UBE3D: variants seen among roughly 807,000 people sequenced by gnomAD.
The protein encoded by UBE3D is E3 ubiquitin-protein ligase E3D.
A neutral mutation model predicts 49.6 loss-of-function variants in UBE3D; 48 were observed. The ratio of observed to expected loss-of-function variants is 0.97; its 90% CI spans 0.77 to 1.23. UBE3D has a LOEUF of 1.23. Ranked by LOEUF, UBE3D falls within the 50% of genes most tolerant of loss-of-function variation. The pLI is 0.00. For synonymous variants in UBE3D, 189 were observed against 174.2 expected (o/e 1.08, Z -0.67); for missense variants, 452 against 468.4 (o/e 0.96, Z 0.32).
At chr6:82,968,202 A>C (rs758707083) in intron 8 of UBE3D, among the ~76,000 whole-genome samples, 14 of 152,114 alleles carry the variant, frequency 9.2e-5, no homozygotes, top group Non-Finnish European at 2.1e-4. Flanking sequence ...AATGTAATCA[A>C]GTTTTTGTAT....
chr6:82,881,343 G>A, the UBE3D span, among the ~76,000 whole-genome samples: 1 of 152,194 alleles, frequency 6.6e-6, no homozygotes, highest in East Asian at 1.9e-4. Context: ...GTAGGAATAT[G>A]AGGGTGGGAA....
At chr6:82,895,136 C>T (rs1771220780) in intron 9 of UBE3D, among the ~76,000 whole-genome samples, 1 of 151,956 alleles carries the variant, frequency 6.6e-6, no homozygotes, top group Non-Finnish European at 1.5e-5. Context: ...TATGGTAAAA[C>T]CCTGTCTCTA....
At chr6:82,937,372 CT>C in intron 9 of UBE3D, among the ~76,000 whole-genome samples, 1 of 152,090 alleles carries the variant, frequency 6.6e-6, no homozygotes, top group Non-Finnish European at 1.5e-5. Flanking sequence ...AAAAAAGCTC[CT>C]GAGAACAACA....
chr6:82,935,651 A>C (rs1044351567), intron 9 of UBE3D, among the ~76,000 whole-genome samples: 2 of 152,202 alleles, frequency 1.3e-5, no homozygotes, highest in Admixed American at 6.5e-5. Flanking sequence ...TGAAGATAAA[A>C]TCTTACAGGC....
At chr6:82,939,315 T>C (rs1374576007) in intron 9 of UBE3D, among the ~76,000 whole-genome samples, 2 of 152,200 alleles carry the variant, frequency 1.3e-5, no homozygotes, top group African/African-American at 4.8e-5. Context: ...TAAGATTCTA[T>C]ATTTTTAGTT....
chr6:83,025,005 T>C (rs545532515), intron 5 of UBE3D, among the ~76,000 whole-genome samples: 10 of 152,346 alleles, frequency 6.6e-5, no homozygotes, highest in African/African-American at 2.4e-4. Context: ...CATAGAACTT[T>C]CTTATACAAA....
intron 5 of UBE3D, among the ~76,000 whole-genome samples, chr6:83,029,021 T>A (rs917950250): frequency 3.9e-5 from 6 of 152,200 alleles, no homozygotes; most frequent in African/African-American, 1.4e-4. Flanking sequence ...GTTTTGTTTT[T>A]CTCTTTTTAC....
At chr6:83,064,596 G>T (rs1350876471) in intron 1 of UBE3D, among the ~76,000 whole-genome samples, 1 of 151,986 alleles carries the variant, frequency 6.6e-6, no homozygotes, top group Non-Finnish European at 1.5e-5. Context: ...AGGGTTTGTT[G>T]TGTGTGTGTG....
chr6:83,063,538 CAATT>C (rs1264711421), intron 1 of UBE3D, among the ~76,000 whole-genome samples: 3 of 150,864 alleles, frequency 2.0e-5, no homozygotes, highest in Non-Finnish European at 4.4e-5. Context: ...AAAGAACTCT[CAATT>C]AAACAAGACA....
At chr6:82,977,113 C>CAAAAAAAAAAAAAAA (rs58424434) in intron 8 of UBE3D, among the ~76,000 whole-genome samples, 5 of 42,584 alleles carry the variant, frequency 1.2e-4, no homozygotes, top group African/African-American at 4.5e-4. Context: ...GACTCCATCT[C>CAAAAAAAAAAAAAAA]AAAAAAAAAA....
chr6:82,969,221 AGGGGTG>A (rs202133359), intron 8 of UBE3D, among the ~76,000 whole-genome samples: 6,254 of 36,928 alleles, frequency 0.17, 141 homozygotes, highest in East Asian at 0.38. Flanking sequence ...TACACAGGGC[AGGGGTG>A]GGGGTGGGGG....
rs58424434 is a variant in UBE3D at position 82,977,113 on chromosome 6, CAAAAAAAAAAAAAAA to C, written c.1011-19678_1011-19664del. On this transcript the variant is annotated intron_variant, in intron 8 of 9. Coordinates refer to ENST00000369747, the MANE Select transcript of UBE3D (RefSeq NM_198920.3). ...TGGGTGATAGAGCAAGACTCCATCTCAAAAAAAAAAAAAAAAAAAAAAAAAAAAGAAGGTAAAGAA... is the reference window on the plus strand; with the variant it reads ...TGGGTGATAGAGCAAGACTCCATCTCAAAAAAAAAAAAAGAAGGTAAAGAA... 9.8e-3 allele frequency among the ~76,000 whole-genome samples: 416 copies of C among 42,638 alleles called. 8 individuals carry two copies. Among genetic ancestry groups the C allele is most frequent in the African/African-American group, 0.044 (395 of 8,956 alleles). 28.0% of individuals were successfully genotyped at this position (42,638 alleles called of 152,430 possible).
chr6:82,905,873 T>G (rs937087712), intron 9 of UBE3D, among the ~76,000 whole-genome samples: 1 of 152,154 alleles, frequency 6.6e-6, no homozygotes, highest in Non-Finnish European at 1.5e-5. Flanking sequence ...CTAGTAAAGA[T>G]ACAACAAATC....
chr6:82,898,786 C>T (rs1354309665), intron 9 of UBE3D, among the ~76,000 whole-genome samples: 2 of 152,216 alleles, frequency 1.3e-5, no homozygotes, highest in South Asian at 2.1e-4. Flanking sequence ...TGTAACAAAA[C>T]TGCACATTCT....
intron 9 of UBE3D, among the ~76,000 whole-genome samples, chr6:82,897,892 G>A (rs1446542214): frequency 1.3e-5 from 2 of 152,084 alleles, no homozygotes; most frequent in South Asian, 4.1e-4. Context: ...GAGTGAACAG[G>A]CATCCTATAG....
intron 8 of UBE3D, among the ~76,000 whole-genome samples, chr6:82,963,190 CTTTTTTTTTT>C (rs5877828): frequency 8.1e-6 from 1 of 123,084 alleles, no homozygotes; most frequent in Admixed American, 8.3e-5. Flanking sequence ...AAGTTTTCAT[CTTTTTTTTTT>C]TTTTTTTTTG....
intron 3 of UBE3D, among the ~76,000 whole-genome samples, chr6:83,048,727 AG>A (rs1783251085): frequency 6.6e-6 from 1 of 152,254 alleles, no homozygotes; most frequent in South Asian, 2.1e-4. Context: ...GAGTTTTTAA[AG>A]CAGAAAAAAT....
In UBE3D at chr6:82,970,007, C is replaced by A. The variant is rs1046193461; in HGVS notation, c.1011-12557G>T. On this transcript the variant is annotated intron_variant, in intron 8 of 9. Coordinates refer to ENST00000369747, the MANE Select transcript of UBE3D (RefSeq NM_198920.3). ...ACAAAACACAAAATACAAAAATAGA[C>A]CCTAATGAAATGTAACGTATTTCTA... Among the ~76,000 whole-genome samples, 24 of 150,084 alleles carry A rather than the reference C, an allele frequency of 1.6e-4. 1 individual carries two copies. Among genetic ancestry groups the A allele is most frequent in the Non-Finnish European group, 3.5e-4 (24 of 67,626 alleles).
intron 5 of UBE3D, among the ~76,000 whole-genome samples, chr6:83,032,867 C>T (rs545587942): frequency 6.6e-6 from 1 of 152,250 alleles, no homozygotes; most frequent in African/African-American, 2.4e-5. Context: ...TGCCTAATGC[C>T]ATATAAGAAG....
Sources: allele counts gnomAD v4.1 joint callset (sites outside exome capture counted in the v4.1 genomes callset), GRCh38; gene constraint gnomAD v4.1.1; transcripts MANE v1.5; gene names NCBI Gene and HGNC (gene_info 2026-07-23, HGNC 2026-07-21).